Variants in LRFN5 observed in about 807,000 individuals in gnomAD.
LRFN5 encodes the protein leucine-rich repeat and fibronectin type-III domain-containing protein 5.
LRFN5 carries 24 observed loss-of-function variants against 45.6 expected under a neutral mutation model. The ratio of observed to expected loss-of-function variants is 0.53; its 90% CI spans 0.38 to 0.74. The LOEUF is 0.74. Ranked by LOEUF, LRFN5 falls within the 30% of genes least tolerant of loss-of-function variation. The probability of loss-of-function intolerance (pLI) is 0.00; values close to 1 mark genes in which losing one functional copy is unlikely to be tolerated. For missense variants in LRFN5, 776 were observed against 861.5 expected (o/e 0.90, Z 1.24); for synonymous variants, 340 against 313.8 (o/e 1.08, Z -0.88).
intron 2 of LRFN5, among the ~76,000 whole-genome samples, chr14:41,885,510 T>G (rs955176339): frequency 5.9e-5 from 9 of 152,066 alleles, no homozygotes; most frequent in Non-Finnish European, 1.0e-4. Context: ...AAATATACAT[T>G]CGTTAAGATT....
intron 2 of LRFN5, among the ~76,000 whole-genome samples, chr14:41,780,796 A>G (rs1886454294): frequency 6.6e-6 from 1 of 152,000 alleles, no homozygotes; most frequent in Admixed American, 6.6e-5. Context: ...AACATTTTAT[A>G]TGATTCCACC....
rs952798074 is a variant in LRFN5 at position 41,608,575 on chromosome 14, C to G, written c.-197+13C>G. 2 of 152,684 alleles carry G rather than the reference C, an allele frequency of 1.3e-5. No individual in the cohort carries two copies. The highest frequency in any genetic ancestry group is 1.3e-4 in the Admixed American group (2 of 15,286). 9.5% of individuals were successfully genotyped at this position (152,684 alleles called of 1,614,324 possible). A position where few individuals can be genotyped will look rare whatever the true frequency, so the allele number is the denominator to read the frequency against. On this transcript the variant is annotated intron_variant, in intron 1 of 5. Coordinates refer to ENST00000298119, the MANE Select transcript of LRFN5 (RefSeq NM_152447.5). ...TTAGAGGCACCAGGTAACAAACCAACGATTACTCGCCTCACCCAATTTCCT... is the reference window on the plus strand; with the variant it reads ...TTAGAGGCACCAGGTAACAAACCAAGGATTACTCGCCTCACCCAATTTCCT...
chr14:41,654,912 C>T (rs758462145), intron 1 of LRFN5, among the ~76,000 whole-genome samples: 5 of 152,052 alleles, frequency 3.3e-5, no homozygotes, highest in Admixed American at 1.3e-4. Context: ...TTAGGTGCTA[C>T]GCTCTGCAAC....
At chr14:41,893,655 T>C in intron 4 of LRFN5, 1 of 985,356 alleles carries the variant, frequency 1.0e-6, no homozygotes, top group Non-Finnish European at 1.2e-6. Context: ...TACTGTTAAC[T>C]TGACAAAGCC....
intron 2 of LRFN5, among the ~76,000 whole-genome samples, chr14:41,823,594 T>G (rs1888199313): frequency 6.6e-6 from 1 of 152,118 alleles, no homozygotes; most frequent in Non-Finnish European, 1.5e-5. Context: ...CACATTCAGT[T>G]TAGAAAGCCT....
At chr14:41,642,612 G>A (rs1474115000) in intron 1 of LRFN5, among the ~76,000 whole-genome samples, 1 of 152,116 alleles carries the variant, frequency 6.6e-6, no homozygotes, top group Non-Finnish European at 1.5e-5. Context: ...TTATCATGAA[G>A]AACTGGCATA....
chr14:41,785,807 C>CA (rs1173909517), intron 2 of LRFN5, among the ~76,000 whole-genome samples: 3 of 152,136 alleles, frequency 2.0e-5, no homozygotes, highest in Non-Finnish European at 2.9e-5. Flanking sequence ...AAAAGGCATG[C>CA]AGCCTACATC....
intron 2 of LRFN5, among the ~76,000 whole-genome samples, chr14:41,786,596 A>G (rs1886730229): frequency 6.8e-6 from 1 of 146,714 alleles, no homozygotes; most frequent in African/African-American, 2.5e-5. Context: ...GTAGTTTTTA[A>G]GATTTCTTTG....
intron 1 of LRFN5, among the ~76,000 whole-genome samples, chr14:41,672,961 T>G (rs1881303999): frequency 6.6e-6 from 1 of 152,018 alleles, no homozygotes; most frequent in Admixed American, 6.6e-5. Flanking sequence ...ATATATCCTA[T>G]TTTTCTACAC....
chr14:41,703,491 A>G (rs1278224795), intron 1 of LRFN5, among the ~76,000 whole-genome samples: 1 of 152,156 alleles, frequency 6.6e-6, no homozygotes, highest in South Asian at 2.1e-4. Context: ...TTTTAAACTT[A>G]TTCTATTAAA....
At chr14:41,769,581 T>C (rs567729940) in intron 2 of LRFN5, among the ~76,000 whole-genome samples, 4 of 152,316 alleles carry the variant, frequency 2.6e-5, no homozygotes, top group African/African-American at 9.6e-5. Context: ...GATAATTTAT[T>C]GTACACACAA....
intron 1 of LRFN5, among the ~76,000 whole-genome samples, chr14:41,737,584 T>C (rs974676905): frequency 1.3e-5 from 2 of 152,124 alleles, no homozygotes; most frequent in African/African-American, 2.4e-5. Flanking sequence ...GATGACATGA[T>C]TGTATATTTA....
Position 41,886,871 on chromosome 14 carries a change from A to G in LRFN5, c.246A>G (p.Leu82=). ...ANMTSLVDLT[L]SRNTISFITP... ...TGACCAGCTTGGTGGACCTGACTCT[A>G]TCCAGGAATACAATAAGTTTTATTA... Residue 82 remains leucine, a synonymous_variant, in exon 3 of 6, where the codon CTA becomes CTG. Transcript: ENST00000298119. The G allele has an allele frequency of 1.2e-6, 2 of 1,614,192 alleles. No individual in the cohort carries two copies. The highest frequency in any genetic ancestry group is 1.1e-5 in the South Asian group (1 of 91,080).
intron 2 of LRFN5, among the ~76,000 whole-genome samples, chr14:41,882,084 G>A (rs1024400199): frequency 6.6e-6 from 1 of 152,096 alleles, no homozygotes; most frequent in Non-Finnish European, 1.5e-5. Context: ...TCTGTGCCCT[G>A]TGGTGGTTTT....
intron 1 of LRFN5, among the ~76,000 whole-genome samples, chr14:41,707,216 C>G (rs1010662751): frequency 1.3e-4 from 20 of 152,198 alleles, no homozygotes; most frequent in African/African-American, 4.6e-4. Flanking sequence ...CAAGAATATA[C>G]ATTAGGAGGT....
intron 1 of LRFN5, among the ~76,000 whole-genome samples, chr14:41,750,001 CTG>C (rs1885063717): frequency 6.6e-6 from 1 of 151,942 alleles, no homozygotes; most frequent in Admixed American, 6.6e-5. Context: ...CATTTTGAAA[CTG>C]TCTCTCTAAC....
At chr14:41,832,969 A>G (rs115833538) in intron 2 of LRFN5, among the ~76,000 whole-genome samples, 2,436 of 152,260 alleles carry the variant, frequency 0.016, 57 homozygotes, top group African/African-American at 0.055. Context: ...GGAGAACAAC[A>G]TGCGGCCTTT....
At chr14:41,766,051 T>A in intron 1 of LRFN5, among the ~76,000 whole-genome samples, 1 of 152,176 alleles carries the variant, frequency 6.6e-6, no homozygotes, top group East Asian at 1.9e-4. Flanking sequence ...GGAATTTCAT[T>A]ATTTCTCACT....
chr14:41,864,396 T>C (rs1305949899), intron 2 of LRFN5, among the ~76,000 whole-genome samples: 1 of 152,198 alleles, frequency 6.6e-6, no homozygotes, highest in Non-Finnish European at 1.5e-5. Context: ...TCATTGTGGT[T>C]TTGATTTGCA....
Sources: allele counts gnomAD v4.1 joint callset (sites outside exome capture counted in the v4.1 genomes callset), GRCh38; gene constraint gnomAD v4.1.1; transcripts MANE v1.5; gene names NCBI Gene and HGNC (gene_info 2026-07-23, HGNC 2026-07-21).